The following DLC1 variants were observed in gnomAD, a reference collection of about 807,000 sequenced individuals.
The protein encoded by DLC1 is DLC1 Rho GTPase activating protein, also known as rho GTPase-activating protein 7.
DLC1 carries 54 observed loss-of-function variants against 140.3 expected under a neutral mutation model. The observed-to-expected ratio is 0.38, with a 90% CI of 0.31 to 0.48. The LOEUF is 0.48. Among genes scored for constraint, DLC1 ranks in the 20% least tolerant of loss-of-function variants. The pLI is 0.96. For synonymous variants in DLC1, 986 were observed against 728.1 expected (o/e 1.35, Z -5.70); for missense variants, 2,536 against 1,907.0 (o/e 1.33, Z -6.14).
chr8:13,590,062 C>T (rs1248740259), intron 1 of DLC1, among the ~76,000 whole-genome samples: 2 of 121,326 alleles, frequency 1.6e-5, no homozygotes, highest in African/African-American at 6.6e-5. Flanking sequence ...ACTCAACATG[C>T]ATATATATAT....
chr8:13,219,278 A>G lies in DLC1; in HGVS notation c.1348+85991T>C, dbSNP rs1426270003. ...ATGAATATAACTATATAATTATAAT[A>G]TGAATATAATTATATAGTTATATTC... On this transcript the variant is annotated intron_variant, in intron 5 of 17. Coordinates refer to ENST00000276297, the MANE Select transcript of DLC1 (RefSeq NM_182643.3). Among the ~76,000 whole-genome samples, 5 of 137,352 alleles carry G rather than the reference A, an allele frequency of 3.6e-5. No homozygotes were observed. In the Admixed American group the frequency reaches 3.8e-4, roughly 10 times the overall value. 90.1% of individuals were successfully genotyped at this position (137,352 alleles called of 152,430 possible).
At chr8:13,567,395 G>T in intron 1 of DLC1, 2 of 1,551,710 alleles carry the variant, frequency 1.3e-6, no homozygotes, top group African/African-American at 1.4e-5. Flanking sequence ...TTGATTCATC[G>T]TAGAGGGGAT....
At chr8:13,240,407 G>T (rs750574015) in intron 5 of DLC1, among the ~76,000 whole-genome samples, 1 of 152,078 alleles carries the variant, frequency 6.6e-6, no homozygotes, top group Non-Finnish European at 1.5e-5. Flanking sequence ...ACCATCACTC[G>T]ACTAATATAC....
intron 5 of DLC1, among the ~76,000 whole-genome samples, chr8:13,199,711 A>G (rs1278370661): frequency 6.6e-6 from 1 of 152,132 alleles, no homozygotes; most frequent in East Asian, 1.9e-4. Flanking sequence ...ATTTCTATGT[A>G]TTTATGGATG....
chr8:13,292,264 G>A (rs1831784478), intron 5 of DLC1, among the ~76,000 whole-genome samples: 1 of 152,084 alleles, frequency 6.6e-6, no homozygotes, highest in African/African-American at 2.4e-5. Context: ...ATCGTAGAAA[G>A]TCCAGGCCAC....
intron 1 of DLC1, among the ~76,000 whole-genome samples, chr8:13,526,099 C>T (rs1284170601): frequency 6.6e-6 from 1 of 152,102 alleles, no homozygotes; most frequent in Non-Finnish European, 1.5e-5. Flanking sequence ...ATTTTCTTTG[C>T]ACCTTTAACA....
intron 2 of DLC1, among the ~76,000 whole-genome samples, chr8:13,440,401 G>A (rs1798454413): frequency 6.6e-6 from 1 of 152,068 alleles, no homozygotes; most frequent in Non-Finnish European, 1.5e-5. Context: ...TAGACATAGA[G>A]TTTGCGTATA....
At chr8:13,328,734 A>C (rs2116934912) in intron 4 of DLC1, among the ~76,000 whole-genome samples, 1 of 152,256 alleles carries the variant, frequency 6.6e-6, no homozygotes, top group African/African-American at 2.4e-5. Flanking sequence ...TCAAGGGCCC[A>C]ATTCAGGAGG....
intron 2 of DLC1, among the ~76,000 whole-genome samples, chr8:13,407,227 C>T (rs1837608971): frequency 6.6e-6 from 1 of 152,168 alleles, no homozygotes; most frequent in African/African-American, 2.4e-5. Flanking sequence ...GGCAGTGAAG[C>T]CTCTTTGATT....
At chr8:13,548,327 C>T (rs952321939) in intron 1 of DLC1, among the ~76,000 whole-genome samples, 16 of 151,656 alleles carry the variant, frequency 1.1e-4, no homozygotes, top group Non-Finnish European at 1.9e-4. Flanking sequence ...CAAACTTGAC[C>T]GATATTTATC....
intron 2 of DLC1, among the ~76,000 whole-genome samples, chr8:13,416,000 A>G (rs1585069928): frequency 2.0e-5 from 3 of 152,250 alleles, no homozygotes. Context: ...CCCTAAAATA[A>G]GTTTCTTATT....
chr8:13,377,846 G>A (rs886169219), intron 4 of DLC1, among the ~76,000 whole-genome samples: 1 of 151,772 alleles, frequency 6.6e-6, no homozygotes. Flanking sequence ...CTCCTATTTC[G>A]AGTCTTGTGT....
chr8:13,438,889 G>A (rs188755937), intron 2 of DLC1, among the ~76,000 whole-genome samples: 1 of 152,118 alleles, frequency 6.6e-6, no homozygotes, highest in African/African-American at 2.4e-5. Context: ...TTTCCATAAA[G>A]GACTGAAGTG....
intron 1 of DLC1, chr8:13,559,128 CG>C (rs1804155864): frequency 1.3e-5 from 2 of 152,182 alleles, no homozygotes; most frequent in Non-Finnish European, 2.9e-5. Context: ...GCATAATATA[CG>C]GGCTTCAAGT....
intron 5 of DLC1, among the ~76,000 whole-genome samples, chr8:13,254,346 C>T (rs1041372521): frequency 2.0e-5 from 3 of 152,120 alleles, no homozygotes; most frequent in African/African-American, 7.2e-5. Flanking sequence ...GGCTGCCTTT[C>T]CCAGTTGTAG....
chr8:13,390,291 A>G (rs1313813827), intron 4 of DLC1, among the ~76,000 whole-genome samples: 1 of 152,172 alleles, frequency 6.6e-6, no homozygotes, highest in African/African-American at 2.4e-5. Context: ...TGCAAAGGAC[A>G]TGGTCTCATT....
chr8:13,584,490 A>G (rs1308936338), intron 1 of DLC1: 1 of 152,238 alleles, frequency 6.6e-6, no homozygotes, highest in Non-Finnish European at 1.5e-5. Flanking sequence ...TGTAATTGTC[A>G]TGATGATATC....
intron 2 of DLC1, among the ~76,000 whole-genome samples, chr8:13,410,591 T>C (rs1383268833): frequency 6.6e-6 from 1 of 151,664 alleles, no homozygotes; most frequent in African/African-American, 2.4e-5. Flanking sequence ...CATATCACAG[T>C]GGCAAAAAAG....
In DLC1 at chr8:13,420,662, T is replaced by A. The variant is rs151261870; in HGVS notation, c.1024-19043A>T. On this transcript the variant is annotated intron_variant, in intron 2 of 17. Coordinates refer to ENST00000276297, the MANE Select transcript of DLC1 (RefSeq NM_182643.3). ...TGAGTGAGAACATGCAGTATTTGGT[T>A]TTCTGTTCCTGAGTTAGTTTGCTGA... 4.3e-3 allele frequency among the ~76,000 whole-genome samples: 653 copies of A among 152,238 alleles called. 2 individuals are homozygous for A. Among genetic ancestry groups the A allele is most frequent in the African/African-American group, 0.015 (627 of 41,550 alleles).
Sources: allele counts gnomAD v4.1 joint callset (sites outside exome capture counted in the v4.1 genomes callset), GRCh38; gene constraint gnomAD v4.1.1; transcripts MANE v1.5; gene names NCBI Gene and HGNC (gene_info 2026-07-23, HGNC 2026-07-21).